The following PLD1 variants were observed in gnomAD, a reference collection of about 807,000 sequenced individuals.
PLD1 encodes phospholipase D1, also known as choline phosphatase 1.
Under a neutral mutation model 137.1 loss-of-function variants are expected in PLD1, and 112 were observed. The ratio of observed to expected loss-of-function variants is 0.82; its 90% CI spans 0.70 to 0.96. The LOEUF is 0.96. PLD1 is among the 40% of genes least tolerant of loss of function. The probability of loss-of-function intolerance (pLI) is 0.00; values close to 1 mark genes in which losing one functional copy is unlikely to be tolerated. For missense variants in PLD1, 1,321 were observed against 1,342.0 expected (o/e 0.98, Z 0.24); for synonymous variants, 431 against 454.7 (o/e 0.95, Z 0.66).
intron 24 of PLD1, among the ~76,000 whole-genome samples, chr3:171,618,867 G>C (rs1046258350): frequency 6.6e-6 from 1 of 151,874 alleles, no homozygotes. Context: ...GCGTGTGTGT[G>C]TGTGTGTGTG....
chr3:171,719,175 A>G (rs1238618144), intron 8 of PLD1, among the ~76,000 whole-genome samples: 1 of 152,082 alleles, frequency 6.6e-6, no homozygotes, highest in African/African-American at 2.4e-5. Flanking sequence ...CTTCTTGTCA[A>G]TCAAACCTCT....
chr3:171,747,396 G>T (rs1167424068), intron 1 of PLD1, among the ~76,000 whole-genome samples: 4 of 151,912 alleles, frequency 2.6e-5, no homozygotes, highest in Non-Finnish European at 5.9e-5. Context: ...GCAACTGGCT[G>T]CTTTTTGTGG....
intron 1 of PLD1, among the ~76,000 whole-genome samples, chr3:171,771,044 G>A (rs548676371): frequency 9.9e-5 from 15 of 151,936 alleles, no homozygotes; most frequent in Non-Finnish European, 1.8e-4. Flanking sequence ...ATTATAAGGA[G>A]AAACATAACC....
In PLD1 at chr3:171,699,772, C is replaced by G; in HGVS notation, c.1200G>C (p.Arg400Ser). Residue 400 changes from arginine (R) to serine (S), a missense_variant, in exon 12 of 27, where the codon AGG becomes AGC. Arg to Ser is a moderately radical substitution (Grantham distance 110). Coordinates refer to ENST00000351298, the MANE Select transcript of PLD1 (RefSeq NM_002662.5). ...CTTTTCGTTTAAGAATGCAGTCCAA[C>G]CTCCAACGATTTCCCTCAACCACTG... ...KRPVVEGNRWRLDCILKRKAQ... is the reference protein window; with the variant it reads ...KRPVVEGNRWSLDCILKRKAQ... 6.2e-7 allele frequency: 1 copy of G among 1,613,846 alleles called. No individual in the cohort carries two copies. Among genetic ancestry groups the G allele is most frequent in the Non-Finnish European group, 8.5e-7 (1 of 1,179,762 alleles).
At chr3:171,658,166 A>T (rs1182242266) in intron 21 of PLD1, among the ~76,000 whole-genome samples, 2 of 152,178 alleles carry the variant, frequency 1.3e-5, no homozygotes. Flanking sequence ...AAAGAGAGAG[A>T]TAATAATAAG....
Position 171,688,776 on chromosome 3 carries a change from A to G in PLD1, c.1439T>C (p.Ile480Thr). 6.2e-7 allele frequency: 1 copy of G among 1,614,050 alleles called. No individual in the cohort carries two copies. Among genetic ancestry groups the G allele is most frequent in the Non-Finnish European group, 8.5e-7 (1 of 1,179,946 alleles). Residue 480 changes from isoleucine (I) to threonine (T), a missense_variant, in exon 14 of 27, where the codon ATT (isoleucine) becomes ACT (threonine). Physicochemically the swap from Ile to Thr is moderately conservative, Grantham distance 89. Transcript: ENST00000351298. ...IDQSVAFVGG[I>T]DLAYGRWDDN... ...GTCCCACCTTCCATAGGCCAGGTCA[A>G]TCCCTCCCACAAAGGCCACCGATTG... is the stretch of plus-strand genomic sequence containing the variant.
intron 12 of PLD1, among the ~76,000 whole-genome samples, chr3:171,693,261 G>A (rs1330648728): frequency 6.6e-6 from 1 of 152,194 alleles, no homozygotes; most frequent in Admixed American, 6.5e-5. Context: ...ACACAAGCGT[G>A]AGATGTGCCA....
At position 171,609,130 on chromosome 3, in the gene PLD1, TA is replaced by T. The variant is rs553277838; in HGVS notation, c.2882+3148del. ...AAGACACACAAGCAGCCAACAAACATAAAAAAATGCTGAACATCATTAATTA... is the reference window on the plus strand; with the variant it reads ...AAGACACACAAGCAGCCAACAAACATAAAAAATGCTGAACATCATTAATTA... On this transcript the variant is annotated intron_variant, in intron 25 of 26. Coordinates refer to ENST00000351298, the MANE Select transcript of PLD1 (RefSeq NM_002662.5). Among the ~76,000 whole-genome samples the T allele has an allele frequency of 4.6e-5, 7 of 151,814 alleles. No individual in the cohort carries two copies. In the East Asian group the frequency reaches 1.4e-3, roughly 29 times the overall value.
In PLD1 at chr3:171,687,579, G is replaced by A. The variant is rs372404450; in HGVS notation, c.1545C>T (p.Ala515=). ...TTAAGGATTCCATAGACTCCATTGCGGCAGGCTGAGAAAAATTTTTTTTTA... is the reference window on the plus strand; with the variant it reads ...TTAAGGATTCCATAGACTCCATTGCAGCAGGCTGAGAAAAATTTTTTTTTA... The part of the protein sequence containing the change: ...SGPSLGSLPP[A]AMESMESLRL... Residue 515 remains alanine (A), a synonymous_variant, in exon 15 of 27, where the codon GCC becomes GCT. Coordinates refer to ENST00000351298, the MANE Select transcript of PLD1 (RefSeq NM_002662.5). The A allele has an allele frequency of 1.3e-4, 206 of 1,608,168 alleles. 1 individual carries two copies. The highest frequency in any genetic ancestry group is 3.4e-4 in the Middle Eastern group (2 of 5,954).
intron 1 of PLD1, among the ~76,000 whole-genome samples, chr3:171,785,365 T>C (rs374734977): frequency 2.2e-4 from 34 of 152,226 alleles, no homozygotes; most frequent in African/African-American, 7.5e-4. Flanking sequence ...TACTGTGTCA[T>C]GTCAAAATGT....
chr3:171,655,875 C>CA (rs1253021283), intron 21 of PLD1, among the ~76,000 whole-genome samples: 3 of 151,890 alleles, frequency 2.0e-5, no homozygotes, highest in Admixed American at 2.0e-4. Flanking sequence ...ATGTGTCTGT[C>CA]AAAAAAATGA....
chr3:171,708,892 ACTTAT>A (rs1441794811), intron 10 of PLD1, 54 bp from the exon 11 acceptor site: 14 of 1,168,688 alleles, frequency 1.2e-5, no homozygotes, highest in South Asian at 2.5e-5. Context: ...AAGAAAAGAA[ACTTAT>A]CTTATGGTAA....
At chr3:171,717,762 T>C (rs1468901509) in intron 8 of PLD1, among the ~76,000 whole-genome samples, 3 of 152,188 alleles carry the variant, frequency 2.0e-5, no homozygotes, top group African/African-American at 4.8e-5. Context: ...TCCAATACTA[T>C]GTTGAATAGG....
intron 19 of PLD1, among the ~76,000 whole-genome samples, chr3:171,667,629 A>C (rs919395898): frequency 4.6e-5 from 7 of 152,214 alleles, no homozygotes; most frequent in Non-Finnish European, 1.0e-4. Flanking sequence ...GGCAAACAGG[A>C]CATGAAACTT....
chr3:171,615,598 C>A (rs1733040073), intron 24 of PLD1, among the ~76,000 whole-genome samples: 1 of 152,142 alleles, frequency 6.6e-6, no homozygotes, highest in Non-Finnish European at 1.5e-5. Flanking sequence ...AAAGAGTTTA[C>A]TTCTGACTTG....
intron 23 of PLD1, among the ~76,000 whole-genome samples, chr3:171,635,509 G>C (rs941789600): frequency 6.6e-6 from 1 of 152,064 alleles, no homozygotes; most frequent in Admixed American, 6.5e-5. Context: ...TGAATTTCTA[G>C]TGACTAGTGA....
At chr3:171,710,891 T>TTTTTTTTTTTTTTTTTTTAG in intron 9 of PLD1, among the ~76,000 whole-genome samples, 1 of 147,492 alleles carries the variant, frequency 6.8e-6, no homozygotes, top group African/African-American at 2.5e-5. Context: ...TTTTTTTTTT[T>TTTTTTTTTTTTTTTTTTTAG]GAGACGGAGT....
chr3:171,726,594 A>C (rs1255094062), intron 6 of PLD1, among the ~76,000 whole-genome samples: 1 of 152,196 alleles, frequency 6.6e-6, no homozygotes, highest in Non-Finnish European at 1.5e-5. Context: ...GAAGGAAAAG[A>C]ATAAAAAATT....
At chr3:171,758,630 G>A (rs1329745921) in intron 1 of PLD1, among the ~76,000 whole-genome samples, 2 of 152,218 alleles carry the variant, frequency 1.3e-5, no homozygotes, top group Non-Finnish European at 2.9e-5. Flanking sequence ...CAGCTTCCGA[G>A]ACACTGGTTT....
Sources: allele counts gnomAD v4.1 joint callset (sites outside exome capture counted in the v4.1 genomes callset), GRCh38; gene constraint gnomAD v4.1.1; transcripts MANE v1.5; gene names NCBI Gene and HGNC (gene_info 2026-07-23, HGNC 2026-07-21).